Variants in TANC2 observed in about 807,000 individuals in gnomAD.
TANC2 encodes protein TANC2.
A neutral mutation model predicts 210.5 loss-of-function variants in TANC2; 26 were observed. The ratio of observed to expected loss-of-function variants is 0.12; its 90% CI spans 0.09 to 0.17. TANC2 has a LOEUF of 0.17. TANC2 is among the 10% of genes least tolerant of loss of function. The pLI, the probability that TANC2 is intolerant of heterozygous loss-of-function variation, is 1.00. For synonymous variants in TANC2, 931 were observed against 967.1 expected (o/e 0.96, Z 0.69); for missense variants, 2,129 against 2,608.9 (o/e 0.82, Z 4.01).
intron 8 of TANC2, among the ~76,000 whole-genome samples, chr17:63,250,353 G>A (rs1040776346): frequency 6.6e-6 from 1 of 151,894 alleles, no homozygotes; most frequent in Admixed American, 6.6e-5. Context: ...GCCCAGATTG[G>A]TCTCGATCCC....
intron 24 of TANC2, chr17:63,413,117 A>G (rs1439273326): frequency 1.4e-5 from 3 of 214,262 alleles, no homozygotes; most frequent in East Asian, 2.2e-4. Context: ...TGCAAAGTAC[A>G]TATTTTAAAG....
At chr17:63,406,012 C>T in intron 20 of TANC2, 142 bp from the exon 21 acceptor site, 2 of 1,032,036 alleles carry the variant, frequency 1.9e-6, no homozygotes, top group East Asian at 5.5e-5. Context: ...TAGGACTATA[C>T]AGGTACTTAT....
intron 9 of TANC2, among the ~76,000 whole-genome samples, chr17:63,302,244 G>T (rs1196915839): frequency 3.3e-5 from 5 of 152,160 alleles, no homozygotes; most frequent in Non-Finnish European, 7.3e-5. Flanking sequence ...TGAGAAGAAT[G>T]TCTATTCTGT....
chr17:63,196,435 G>A (rs1315176444), intron 6 of TANC2, among the ~76,000 whole-genome samples: 2 of 152,088 alleles, frequency 1.3e-5, no homozygotes, highest in Non-Finnish European at 1.5e-5. Flanking sequence ...ATTTTTCAAG[G>A]ACTCTGTCAT....
chr17:63,156,365 C>A (rs999015716), intron 5 of TANC2, among the ~76,000 whole-genome samples: 4 of 151,540 alleles, frequency 2.6e-5, no homozygotes, highest in Non-Finnish European at 4.4e-5. Context: ...CAGTTGGTAA[C>A]CTCCCTTGCA....
intron 4 of TANC2, among the ~76,000 whole-genome samples, chr17:63,126,448 C>T (rs548782988): frequency 7.1e-4 from 108 of 152,196 alleles, no homozygotes; most frequent in African/African-American, 2.5e-3. Flanking sequence ...TCTTCTGTCG[C>T]CCAGGCTGGA....
chr17:63,086,785 T>C (rs1400611733), intron 3 of TANC2, among the ~76,000 whole-genome samples: 1 of 143,860 alleles, frequency 7.0e-6, no homozygotes, highest in Non-Finnish European at 1.6e-5. Context: ...GCTCTGTAGC[T>C]AGCTAGAGGT....
intron 5 of TANC2, among the ~76,000 whole-genome samples, chr17:63,179,681 T>G (rs751233707): frequency 1.7e-4 from 26 of 152,132 alleles, no homozygotes; most frequent in Non-Finnish European, 2.9e-4. Context: ...ACCTACAAAT[T>G]GTTCCCTCTG....
exon 28 of TANC2, chr17:63,426,048 C>G (rs1199577974): frequency 6.6e-6 from 1 of 152,268 alleles, no homozygotes; most frequent in Non-Finnish European, 1.5e-5. Context: ...GGTGCCCGCC[C>G]CTGTGCCCAG....
intron 7 of TANC2, among the ~76,000 whole-genome samples, chr17:63,219,625 G>A (rs2042115648): frequency 6.6e-6 from 1 of 152,052 alleles, no homozygotes; most frequent in Non-Finnish European, 1.5e-5. Context: ...TTGGTCGGTT[G>A]TTCTTGAACT....
intron 8 of TANC2, among the ~76,000 whole-genome samples, chr17:63,252,441 G>T (rs1832330028): frequency 6.6e-6 from 1 of 151,464 alleles, no homozygotes; most frequent in Non-Finnish European, 1.5e-5. Flanking sequence ...AATTATTGTT[G>T]ACTATAGCCC....
chr17:63,408,845 C>T (rs2048599323), intron 21 of TANC2, among the ~76,000 whole-genome samples: 2 of 152,204 alleles, frequency 1.3e-5, no homozygotes, highest in Non-Finnish European at 2.9e-5. Context: ...GTAAGTTGAT[C>T]TCTGATGTAG....
rs774809700 is a variant in TANC2, at chr17:63,420,859, C to T, written c.5129C>T (p.Thr1710Ile). Reference sequence around the variant, plus strand: ...CCCAGCCCAGCCGTCCATTCAAGCACCGTCATCCCCACAGGAGCCTATGGC... The same window carrying T: ...CCCAGCCCAGCCGTCCATTCAAGCATCGTCATCCCCACAGGAGCCTATGGC... Residue 1710 changes from threonine (T) to isoleucine (I), a missense_variant, in exon 28 of 28, where the codon ACC becomes ATC. By Grantham distance (89) the Thr-to-Ile change is moderately conservative (BLOSUM62 -1). Coordinates refer to ENST00000689528, the Ensembl canonical transcript of TANC2. This position sits in a 1 kb window ranked among gnomAD's most constrained non-coding sequence, Gnocchi z 4.2. 2.5e-6 allele frequency: 4 copies of T among 1,614,050 alleles called. No homozygotes were observed. Among genetic ancestry groups the T allele is most frequent in the Middle Eastern group, 1.6e-4 (1 of 6,062 alleles).
chr17:63,150,508 C>T (rs1324612167), intron 4 of TANC2: 3 of 152,110 alleles, frequency 2.0e-5, no homozygotes, highest in African/African-American at 7.2e-5. Context: ...TTATTCCTTA[C>T]AAGAATGAAT....
rs549653009 is a variant in TANC2, at chr17:63,278,043, C to T, written c.1159+10170C>T. Among the ~76,000 whole-genome samples the T allele has an allele frequency of 4.6e-5, 7 of 152,140 alleles. No individual in the cohort carries two copies. The South Asian group carries it at 6.2e-4, about 14-fold the overall frequency. On this transcript the variant is annotated intron_variant, in intron 9 of 27. Coordinates refer to ENST00000689528, the Ensembl canonical transcript of TANC2. ...AAAATTAGCCATGCACGGTGGTACA[C>T]GCCTGTAGTCCCAACTACTCAGGAG... is the stretch of plus-strand genomic sequence containing the variant.
exon 28 of TANC2, chr17:63,425,253 A>C (rs906996410): frequency 2.0e-5 from 3 of 152,234 alleles, no homozygotes; most frequent in African/African-American, 4.8e-5. Context: ...TCCACTAATT[A>C]GAATCATGTA....
chr17:63,048,902 A>G (rs1266651723), intron 2 of TANC2, among the ~76,000 whole-genome samples: 1 of 152,206 alleles, frequency 6.6e-6, no homozygotes, highest in Non-Finnish European at 1.5e-5. Flanking sequence ...CCCCTGTGAT[A>G]CAAGTTTACC....
At chr17:63,041,298 T>C (rs1345009050) in intron 2 of TANC2, among the ~76,000 whole-genome samples, 1 of 152,166 alleles carries the variant, frequency 6.6e-6, no homozygotes, top group Non-Finnish European at 1.5e-5. Flanking sequence ...AGTAACTAAC[T>C]ACAGATTGAA....
chr17:63,314,433 T>G, exon 10 of TANC2: 1 of 1,613,962 alleles, frequency 6.2e-7, no homozygotes. Flanking sequence ...TTGAAGCCTC[T>G]GCTCTTTGAA....
Sources: gnomAD v4.1 joint callset for allele counts (sites outside exome capture counted in the v4.1 genomes callset) on GRCh38, gnomAD v4.1.1 for gene constraint, Gnocchi (gnomAD v3.1) non-coding constraint, MANE v1.5 for transcripts, NCBI Gene and HGNC (gene_info 2026-07-23, HGNC 2026-07-21) for gene names.